MTUS2: variants seen among roughly 807,000 people sequenced by gnomAD.
MTUS2 encodes microtubule associated scaffold protein 2, also known as microtubule-associated tumor suppressor candidate 2.
A neutral mutation model predicts 114.1 loss-of-function variants in MTUS2; 40 were observed. The observed-to-expected ratio is 0.35, with a 90% CI of 0.27 to 0.46. MTUS2 has a LOEUF of 0.46. MTUS2 is among the 20% of genes least tolerant of loss of function. The pLI, the probability that MTUS2 is intolerant of heterozygous loss-of-function variation, is 1.00. For synonymous variants in MTUS2, 688 were observed against 672.0 expected (o/e 1.02, Z -0.37); for missense variants, 1,679 against 1,705.4 (o/e 0.98, Z 0.27).
At chr13:29,353,971 C>T (rs1869520592) in intron 7 of MTUS2, among the ~76,000 whole-genome samples, 1 of 152,208 alleles carries the variant, frequency 6.6e-6, no homozygotes, top group Admixed American at 6.5e-5. Context: ...AGAATTCTCT[C>T]TGTGGAGCTC....
intron 3 of MTUS2, among the ~76,000 whole-genome samples, chr13:29,033,045 G>A (rs1886899756): frequency 6.6e-6 from 1 of 152,104 alleles, no homozygotes; most frequent in Non-Finnish European, 1.5e-5. Flanking sequence ...TGTATTCTAG[G>A]CCAAACTGCT....
At chr13:29,298,062 T>C (rs1253079837) in intron 6 of MTUS2, among the ~76,000 whole-genome samples, 1 of 152,228 alleles carries the variant, frequency 6.6e-6, no homozygotes, top group Non-Finnish European at 1.5e-5. Context: ...TTTACACTAA[T>C]AGTGGGGCTG....
intron 2 of MTUS2, among the ~76,000 whole-genome samples, chr13:28,999,218 C>T (rs949793574): frequency 2.0e-5 from 3 of 152,046 alleles, no homozygotes; most frequent in African/African-American, 4.8e-5. Flanking sequence ...ATTGGTGAAC[C>T]GCAAATGCTG....
At chr13:28,983,112 C>G (rs1884431553) in intron 2 of MTUS2, among the ~76,000 whole-genome samples, 1 of 152,146 alleles carries the variant, frequency 6.6e-6, no homozygotes, top group Non-Finnish European at 1.5e-5. Context: ...GGTTTTTTAC[C>G]TGCAAATCCG....
chr13:29,117,930 C>CAA (rs1891158191), intron 5 of MTUS2, among the ~76,000 whole-genome samples: 3 of 152,120 alleles, frequency 2.0e-5, no homozygotes, highest in Admixed American at 2.0e-4. Flanking sequence ...CGGACCCTGT[C>CAA]CAGATGGTTT....
Position 29,501,093 on chromosome 13 carries a change from G to A in MTUS2, c.3799-4G>A, listed in dbSNP as rs745580178. 2 of 1,613,488 alleles carry A rather than the reference G, an allele frequency of 1.2e-6. No homozygotes were observed. The highest frequency in any genetic ancestry group is 2.2e-5 in the South Asian group (2 of 91,020). ...GAACCTCTTAAACACTGTTTCCTTTGTAGGCAGAAAAGAACATTATCCTAG... is the reference window on the plus strand; with the variant it reads ...GAACCTCTTAAACACTGTTTCCTTTATAGGCAGAAAAGAACATTATCCTAG... On this transcript the variant is annotated splice_region_variant and splice_polypyrimidine_tract_variant and intron_variant, in intron 14 of 15. Coordinates refer to ENST00000612955, the MANE Select transcript of MTUS2 (RefSeq NM_001033602.4).
intron 2 of MTUS2, among the ~76,000 whole-genome samples, chr13:28,986,999 T>A (rs1001125181): frequency 1.3e-5 from 2 of 152,224 alleles, no homozygotes; most frequent in Non-Finnish European, 2.9e-5. Flanking sequence ...CATTGTTATA[T>A]ACTCCCATGG....
At chr13:28,832,992 A>G (rs979625589) in intron 1 of MTUS2, among the ~76,000 whole-genome samples, 3 of 152,116 alleles carry the variant, frequency 2.0e-5, no homozygotes, top group African/African-American at 7.2e-5. Flanking sequence ...AATTCCCAGG[A>G]AGACACATAC....
rs969005621 is a variant in MTUS2, at chr13:29,267,238, C to T, written c.2645-14466C>T. On this transcript the variant is annotated intron_variant, in intron 5 of 15. Transcript: ENST00000612955. ...ATGCTTTGTTTCTAGGTTTCTATAA[C>T]GATATCAATAATGCATAAAGGAGGT... Among the ~76,000 whole-genome samples the T allele has an allele frequency of 3.3e-4, 50 of 152,266 alleles. 1 individual carries two copies. The highest frequency in any genetic ancestry group is 1.9e-4 in the East Asian group (1 of 5,176).
At chr13:29,089,122 T>A (rs1276949627) in intron 4 of MTUS2, among the ~76,000 whole-genome samples, 1 of 152,228 alleles carries the variant, frequency 6.6e-6, no homozygotes, top group Non-Finnish European at 1.5e-5. Flanking sequence ...AGCCCTCCCT[T>A]TATGGCCTCT....
chr13:29,337,414 CT>C (rs765383643), intron 7 of MTUS2, among the ~76,000 whole-genome samples: 8 of 152,058 alleles, frequency 5.3e-5, no homozygotes, highest in Admixed American at 1.3e-4. Flanking sequence ...TCTTAGACCC[CT>C]AGCACTTCCC....
chr13:29,245,874 T>G (rs1302904924), intron 5 of MTUS2, among the ~76,000 whole-genome samples: 1 of 152,022 alleles, frequency 6.6e-6, no homozygotes, highest in East Asian at 1.9e-4. Context: ...TTTTTTGTAT[T>G]TTTTAGAAGA....
intron 2 of MTUS2, among the ~76,000 whole-genome samples, chr13:28,851,293 A>G (rs1040102241): frequency 1.3e-5 from 2 of 152,228 alleles, no homozygotes; most frequent in African/African-American, 2.4e-5. Flanking sequence ...ATTCAAAATT[A>G]TGTTTTTAAA....
chr13:28,983,940 G>T (rs747455703), intron 2 of MTUS2, among the ~76,000 whole-genome samples: 11 of 152,240 alleles, frequency 7.2e-5, no homozygotes, highest in Non-Finnish European at 1.5e-4. Flanking sequence ...CTGTTTGGGC[G>T]CTCTCTTGCT....
chr13:29,271,001 A>G (rs1036935982), intron 5 of MTUS2, among the ~76,000 whole-genome samples: 1 of 152,258 alleles, frequency 6.6e-6, no homozygotes, highest in African/African-American at 2.4e-5. Flanking sequence ...TTTCAGAGGC[A>G]TTCTGCTATT....
intron 2 of MTUS2, among the ~76,000 whole-genome samples, chr13:29,002,061 T>G (rs1283592115): frequency 6.6e-6 from 1 of 152,210 alleles, no homozygotes. Flanking sequence ...TTAAGACCCA[T>G]CTTGAACTTC....
chr13:29,269,412 A>G (rs1253534221), intron 5 of MTUS2, among the ~76,000 whole-genome samples: 4 of 152,262 alleles, frequency 2.6e-5, no homozygotes, highest in Admixed American at 2.6e-4. Flanking sequence ...TTAAAAAAAT[A>G]GATAAGGAAA....
intron 12 of MTUS2, among the ~76,000 whole-genome samples, chr13:29,494,670 C>T (rs1435044596): frequency 3.3e-5 from 5 of 152,054 alleles, no homozygotes; most frequent in African/African-American, 9.7e-5. Context: ...CGCAAGCCCC[C>T]ACCTGCGGCG....
chr13:28,944,014 T>C lies in MTUS2; in HGVS notation c.-242-80443T>C, dbSNP rs547337756. 3.9e-5 allele frequency among the ~76,000 whole-genome samples: 6 copies of C among 152,264 alleles called. No homozygotes were observed. In the East Asian group the frequency reaches 9.6e-4, roughly 24 times the overall value. On this transcript the variant is annotated intron_variant, in intron 2 of 15. Transcript: ENST00000612955. Reference sequence around the variant, plus strand: ...TTTGCTTTTTTTTGTAGTGTATTGGTGTTAGATTTTTACGTAGGCAAGTCT... The same window carrying C: ...TTTGCTTTTTTTTGTAGTGTATTGGCGTTAGATTTTTACGTAGGCAAGTCT...
Sources: allele counts gnomAD v4.1 joint callset (sites outside exome capture counted in the v4.1 genomes callset), GRCh38; gene constraint gnomAD v4.1.1; transcripts MANE v1.5; gene names NCBI Gene and HGNC (gene_info 2026-07-23, HGNC 2026-07-21).